Variants in DEPDC1B observed in about 807,000 individuals in gnomAD.
The protein encoded by DEPDC1B is DEP domain-containing protein 1B.
DEPDC1B carries 51 observed loss-of-function variants against 66.5 expected under a neutral mutation model. The observed-to-expected ratio is 0.77, with a 90% CI of 0.61 to 0.97. DEPDC1B has a LOEUF of 0.97. Ranked by LOEUF, DEPDC1B falls within the 50% of genes least tolerant of loss-of-function variation. DEPDC1B has a pLI of 0.00. For missense variants in DEPDC1B, 552 were observed against 637.1 expected, an observed-to-expected ratio of 0.87 and a Z score of 1.44; for synonymous variants, 226 against 223.6, an observed-to-expected ratio of 1.01 and a Z score of -0.10.
chr5:60,686,964 G>A lies in DEPDC1B; in HGVS notation c.312C>T (p.Tyr104=), dbSNP rs1201552636. 5 of 1,614,188 alleles carry A rather than the reference G, an allele frequency of 3.1e-6. No homozygotes were observed. Among genetic ancestry groups the A allele is most frequent in the Non-Finnish European group, 4.2e-6 (5 of 1,180,042 alleles). The part of the protein sequence containing the change: ...EEDFEDNRHL[Y]RFPPSSPLKP... ...CCAGGTTTACATGTTGCCATTACCT[G>A]TATAAGTGACGATTGTCTTCAAAAT... Residue 104 remains tyrosine (Y), a splice_region_variant and synonymous_variant, in exon 2 of 11, where the codon TAC becomes TAT. Coordinates refer to ENST00000265036, the MANE Select transcript of DEPDC1B (RefSeq NM_018369.3).
chr5:60,624,501 C>T (rs1752770668), intron 7 of DEPDC1B, among the ~76,000 whole-genome samples: 1 of 152,172 alleles, frequency 6.6e-6, no homozygotes, highest in African/African-American at 2.4e-5. Flanking sequence ...ATACTGGCCT[C>T]ATAAAATGGT....
intron 7 of DEPDC1B, among the ~76,000 whole-genome samples, chr5:60,637,237 G>C (rs1028774183): frequency 1.3e-5 from 2 of 152,148 alleles, no homozygotes; most frequent in Non-Finnish European, 2.9e-5. Context: ...ATGGTGGGAG[G>C]TGATTGGATC....
chr5:60,620,288 C>A (rs1243498439), intron 7 of DEPDC1B, among the ~76,000 whole-genome samples: 1 of 152,096 alleles, frequency 6.6e-6, no homozygotes, highest in South Asian at 2.1e-4. Context: ...AATTGACAAA[C>A]AGGATCTAAT....
At chr5:60,647,581 C>T (rs372914236) in intron 2 of DEPDC1B, 48 bp from the exon 3 acceptor site, 22 of 1,578,312 alleles carry the variant, frequency 1.4e-5, no homozygotes, top group Non-Finnish European at 1.8e-5. Context: ...GTGGGAGACA[C>T]AGATATTTTA....
intron 1 of DEPDC1B, among the ~76,000 whole-genome samples, chr5:60,698,907 CCAT>C (rs1175039524): frequency 6.6e-6 from 1 of 152,104 alleles, no homozygotes; most frequent in African/African-American, 2.4e-5. Flanking sequence ...CTCAAGCGAT[CCAT>C]CCCCTTAAAT....
intron 7 of DEPDC1B, among the ~76,000 whole-genome samples, chr5:60,610,562 A>G (rs967907880): frequency 1.3e-5 from 2 of 152,246 alleles, no homozygotes; most frequent in African/African-American, 4.8e-5. Context: ...CAACACAAGC[A>G]TATTATTGAA....
chr5:60,687,815 T>G (rs1242954501), intron 1 of DEPDC1B: 1 of 212,806 alleles, frequency 4.7e-6, no homozygotes, highest in Non-Finnish European at 9.7e-6. Context: ...AGTGAGCCAC[T>G]GCACCCGGCC....
chr5:60,650,806 T>A (rs1425003475), intron 2 of DEPDC1B, among the ~76,000 whole-genome samples: 1 of 152,180 alleles, frequency 6.6e-6, no homozygotes, highest in Non-Finnish European at 1.5e-5. Context: ...TGCAATATGA[T>A]CTTGCCACTA....
rs560835710 is a variant in DEPDC1B, at chr5:60,665,688, T to G, written c.315-18155A>C. Among the ~76,000 whole-genome samples, 5 of 152,270 alleles carry G rather than the reference T, an allele frequency of 3.3e-5. No individual in the cohort carries two copies. In the East Asian group the frequency reaches 9.7e-4, roughly 29 times the overall value. On this transcript the variant is annotated intron_variant, in intron 2 of 10. Transcript: ENST00000265036. ...CCCAACAACACTTGGGTTTTCCTGT[T>G]GGAAGCGGGGACCGAGAGACAGGAC...
rs530180418 is a variant in DEPDC1B, at chr5:60,697,248, T to C, written c.48+2798A>G. ...ATAACATTTTACCTAATCCACAAAA[T>C]GTTATTTTCAAATAAGACTTTGGTG... On this transcript the variant is annotated intron_variant, in intron 1 of 10. Coordinates refer to ENST00000265036, the MANE Select transcript of DEPDC1B (RefSeq NM_018369.3). Among the ~76,000 whole-genome samples the C allele has an allele frequency of 1.1e-3, 162 of 152,282 alleles. 1 individual carries two copies. The highest frequency in any genetic ancestry group is 3.8e-3 in the African/African-American group (158 of 41,568).
At chr5:60,656,943 G>C (rs577752863) in intron 2 of DEPDC1B, among the ~76,000 whole-genome samples, 1 of 152,288 alleles carries the variant, frequency 6.6e-6, no homozygotes, top group South Asian at 2.1e-4. Context: ...AGGTCTAGTA[G>C]TAATAGTTTT....
At chr5:60,614,654 C>T (rs1177265300) in intron 7 of DEPDC1B, among the ~76,000 whole-genome samples, 1 of 151,994 alleles carries the variant, frequency 6.6e-6, no homozygotes, top group Non-Finnish European at 1.5e-5. Context: ...GATATGAGTA[C>T]TGCATTTATT....
chr5:60,680,312 T>C (rs906928721), intron 2 of DEPDC1B, among the ~76,000 whole-genome samples: 2 of 152,200 alleles, frequency 1.3e-5, no homozygotes, highest in African/African-American at 4.8e-5. Context: ...CTGTAACATC[T>C]CATTATTATT....
At position 60,645,543 on chromosome 5, in the gene DEPDC1B, T is replaced by C; in HGVS notation, c.527A>G (p.Gln176Arg). The part of the protein sequence containing the change: ...VPACRLVHRR[Q>R]LTEANVEEIW... Reference sequence around the variant, plus strand: ...CTCTTCTACATTGGCCTCTGTCAGCTGTCTGCGGTGGACAAGACGGCAAGC... The same window carrying C: ...CTCTTCTACATTGGCCTCTGTCAGCCGTCTGCGGTGGACAAGACGGCAAGC... Residue 176 changes from glutamine (Q) to arginine (R), a missense_variant, in exon 4 of 11, where the codon CAG becomes CGG. Transcript: ENST00000265036. 1 of 1,613,330 alleles carries C rather than the reference T, an allele frequency of 6.2e-7. No individual in the cohort carries two copies. Among genetic ancestry groups the C allele is most frequent in the East Asian group, 2.2e-5 (1 of 44,828 alleles).
chr5:60,604,549 T>C (rs2111713728), intron 8 of DEPDC1B, among the ~76,000 whole-genome samples: 1 of 152,196 alleles, frequency 6.6e-6, no homozygotes, highest in East Asian at 1.9e-4. Flanking sequence ...TACTGTTCTT[T>C]GGACTGGCTT....
chr5:60,669,414 A>C (rs1753978382), intron 2 of DEPDC1B, among the ~76,000 whole-genome samples: 1 of 152,182 alleles, frequency 6.6e-6, no homozygotes, highest in African/African-American at 2.4e-5. Flanking sequence ...CAAAAAGCAA[A>C]CAACAATACA....
chr5:60,665,145 G>A (rs887849109), intron 2 of DEPDC1B, among the ~76,000 whole-genome samples: 3 of 152,086 alleles, frequency 2.0e-5, no homozygotes, highest in African/African-American at 7.2e-5. Flanking sequence ...GAAATAGAAA[G>A]GGGAACCTCA....
intron 2 of DEPDC1B, among the ~76,000 whole-genome samples, chr5:60,675,350 A>G (rs1754130505): frequency 6.6e-6 from 1 of 152,190 alleles, no homozygotes; most frequent in South Asian, 2.1e-4. Flanking sequence ...TTCATTCTTG[A>G]CCTTTGTGGG....
Position 60,615,232 on chromosome 5 carries a change from C to T in DEPDC1B, c.899-9376G>A, listed in dbSNP as rs536148664. 2.0e-4 allele frequency among the ~76,000 whole-genome samples: 30 copies of T among 152,230 alleles called. No individual in the cohort carries two copies. In the East Asian group the frequency reaches 2.1e-3, roughly 11 times the overall value. On this transcript the variant is annotated intron_variant, in intron 7 of 10. Coordinates refer to ENST00000265036, the MANE Select transcript of DEPDC1B (RefSeq NM_018369.3). ...TGCCCAGCGTGAGCAACGCAGAAGA[C>T]GGGTGATTTCTGCATTTCCAACTGA...
Sources: allele counts gnomAD v4.1 joint callset (sites outside exome capture counted in the v4.1 genomes callset), GRCh38; gene constraint gnomAD v4.1.1; transcripts MANE v1.5; gene names NCBI Gene and HGNC (gene_info 2026-07-23, HGNC 2026-07-21).